ULK2: variants seen among roughly 807,000 people sequenced by gnomAD.
ULK2 encodes unc-51 like autophagy activating kinase 2.
In ULK2, 76 loss-of-function variants were observed where a neutral mutation model predicts 127.5. The observed-to-expected ratio is 0.60, with a 90% confidence interval of 0.50 to 0.72. The LOEUF is 0.72. ULK2 is among the 30% of genes least tolerant of loss of function. The probability of loss-of-function intolerance (pLI) is 0.00; values close to 1 mark genes in which losing one functional copy is unlikely to be tolerated. For missense variants in ULK2, 1,144 were observed against 1,295.9 expected (o/e 0.88, Z 1.80); for synonymous variants, 452 against 461.9 (o/e 0.98, Z 0.28).
At chr17:19,865,633 C>T (rs1246373823) in intron 2 of ULK2, 103 bp downstream of exon 2, 7 of 610,942 alleles carry the variant, frequency 1.1e-5, no homozygotes, top group Non-Finnish European at 1.9e-5. Context: ...GTTGAAAATT[C>T]TCAAACTTGG....
In ULK2 at chr17:19,774,861, A is replaced by G. The variant is rs2086788063; in HGVS notation, c.*1488T>C. The G allele has an allele frequency of 6.5e-6, 1 of 152,698 alleles. No individual in the cohort carries two copies. The highest frequency in any genetic ancestry group is 6.5e-5 in the Admixed American group (1 of 15,288). 9.5% of individuals were successfully genotyped at this position (152,698 alleles called of 1,614,324 possible). ...AGTTTCAAGAATAATGCATGCAGTT[A>G]CAAATGAGAGGTAGAAACACTGTAT... On this transcript the variant is annotated 3_prime_UTR_variant, in exon 27 of 27. Coordinates refer to ENST00000395544, the MANE Select transcript of ULK2 (RefSeq NM_014683.4).
chr17:19,797,482 G>C lies in ULK2; in HGVS notation c.1723C>G (p.Pro575Ala), dbSNP rs756447650. 1.9e-6 allele frequency: 3 copies of C among 1,613,882 alleles called. No homozygotes were observed. Among genetic ancestry groups the C allele is most frequent in the African/African-American group, 1.3e-5 (1 of 74,918 alleles). ...PSRPGSLGTS[P>A]TKHLGSSPRS... ...GGAGAGGACCCCAAGTGCTTGGTGG[G>C]AGAAGTTCCAAGGCTGCCAGGCCGA... is the stretch of plus-strand genomic sequence containing the variant. Residue 575 changes from proline to alanine, a missense_variant, in exon 18 of 27, where the codon CCC becomes GCC. Coordinates refer to ENST00000395544, the MANE Select transcript of ULK2 (RefSeq NM_014683.4).
intron 6 of ULK2, among the ~76,000 whole-genome samples, chr17:19,845,859 A>T (rs2041867838): frequency 6.6e-6 from 1 of 152,192 alleles, no homozygotes; most frequent in South Asian, 2.1e-4. Flanking sequence ...CTATAATCCC[A>T]GCACTTTGGG....
At chr17:19,808,300 A>C (rs989509286) in intron 14 of ULK2, among the ~76,000 whole-genome samples, 16 of 152,194 alleles carry the variant, frequency 1.1e-4, no homozygotes, top group Admixed American at 9.8e-4. Context: ...AAAGGCCTGA[A>C]CATTATACCC....
chr17:19,790,281 GT>G (rs2152383846), intron 20 of ULK2, among the ~76,000 whole-genome samples: 1 of 152,272 alleles, frequency 6.6e-6, no homozygotes, highest in South Asian at 2.1e-4. Flanking sequence ...GCCAGGTGTG[GT>G]GGCAGGCGCC....
intron 14 of ULK2, among the ~76,000 whole-genome samples, chr17:19,809,176 C>T (rs2087574842): frequency 6.6e-6 from 1 of 152,076 alleles, no homozygotes; most frequent in South Asian, 2.1e-4. Flanking sequence ...AGTCACAAAA[C>T]AGATAAATGC....
chr17:19,796,306 T>C (rs775595062), intron 18 of ULK2, 24 bp from the exon 19 acceptor site: 4 of 1,575,264 alleles, frequency 2.5e-6, no homozygotes, highest in Admixed American at 3.7e-5. Context: ...TATATATATA[T>C]ATATGTAAAC....
Position 19,776,291 on chromosome 17 carries a change from T to TA in ULK2, c.*57dup. 1 of 1,477,952 alleles carries TA rather than the reference T, an allele frequency of 6.8e-7. No individual in the cohort carries two copies. Among genetic ancestry groups the TA allele is most frequent in the Non-Finnish European group, 9.1e-7 (1 of 1,101,738 alleles). 91.6% of individuals were successfully genotyped at this position (1,477,952 alleles called of 1,614,324 possible). On this transcript the variant is annotated 3_prime_UTR_variant, in exon 27 of 27. Transcript: ENST00000395544. ...GGATGGGGTGACAGAACTCAAGCTGTAATCCCAAAGGCATCACCTCACGTT... is the reference window on the plus strand; with the variant it reads ...GGATGGGGTGACAGAACTCAAGCTGTAAATCCCAAAGGCATCACCTCACGTT...
In ULK2 at chr17:19,838,530, T is replaced by C; in HGVS notation, c.758A>G (p.Gln253Arg). The C allele has an allele frequency of 1.9e-6, 3 of 1,612,802 alleles. No homozygotes were observed. Among genetic ancestry groups the C allele is most frequent in the Non-Finnish European group, 2.5e-6 (3 of 1,179,646 alleles). ...GTCCATTCTATCTTTTTGGTTTCTC[T>C]GAAGCAAACCCAAAAGGAGATTAGC... ...YLANLLLGLL[Q>R]RNQKDRMDFE... The change falls in exon 10 of 27, where the codon CAG becomes CGG. Residue 253 changes from glutamine (Q) to arginine (R), a missense_variant. By Grantham distance (43) the Gln-to-Arg change is conservative. Around this residue, in one of 2 missense-constraint regions of ULK2, gnomAD observed 231 missense variants for 325.4 expected, o/e 0.71. Transcript: ENST00000395544.
chr17:19,805,660 A>C (rs1301494150), intron 14 of ULK2, among the ~76,000 whole-genome samples: 2 of 152,170 alleles, frequency 1.3e-5, no homozygotes, highest in Admixed American at 1.3e-4. Flanking sequence ...AAGCATAACC[A>C]TATGTCTTTC....
At chr17:19,838,905 C>T (rs1179840763) in intron 9 of ULK2, among the ~76,000 whole-genome samples, 4 of 151,764 alleles carry the variant, frequency 2.6e-5, no homozygotes, top group Non-Finnish European at 4.4e-5. Context: ...GTGGCGGGCA[C>T]CTGTAGTCCC....
At chr17:19,846,639 C>CAAAA in intron 6 of ULK2, 98 bp downstream of exon 6, 8 of 1,140,160 alleles carry the variant, frequency 7.0e-6, no homozygotes, top group East Asian at 5.6e-5. Context: ...GACTCCATCT[C>CAAAA]AAAAAAAAAA....
intron 17 of ULK2, among the ~76,000 whole-genome samples, chr17:19,798,277 C>T (rs1396586775): frequency 1.3e-5 from 2 of 152,160 alleles, no homozygotes; most frequent in Admixed American, 1.3e-4. Flanking sequence ...TTAAATTACA[C>T]ACTTAAAACC....
At chr17:19,805,682 G>T (rs974807055) in intron 14 of ULK2, among the ~76,000 whole-genome samples, 1 of 152,124 alleles carries the variant, frequency 6.6e-6, no homozygotes, top group African/African-American at 2.4e-5. Flanking sequence ...TGGTCAGTGA[G>T]ATATAAGCAG....
At chr17:19,835,454 C>T (rs977285665) in intron 10 of ULK2, among the ~76,000 whole-genome samples, 14 of 151,146 alleles carry the variant, frequency 9.3e-5, no homozygotes, top group Non-Finnish European at 1.3e-4. Context: ...CGGTGGCTCA[C>T]GCCTGTAATC....
chr17:19,850,841 A>G (rs992805178), intron 3 of ULK2, among the ~76,000 whole-genome samples: 1 of 151,962 alleles, frequency 6.6e-6, no homozygotes, highest in Non-Finnish European at 1.5e-5. Flanking sequence ...CAAAAAATAT[A>G]TATAGATAGG....
chr17:19,829,394 G>C (rs2041374543), intron 10 of ULK2, among the ~76,000 whole-genome samples: 1 of 151,938 alleles, frequency 6.6e-6, no homozygotes, highest in Admixed American at 6.6e-5. Context: ...AAATTAGCCA[G>C]GTGTGGTAGC....
intron 3 of ULK2, among the ~76,000 whole-genome samples, chr17:19,857,460 T>C (rs2042158309): frequency 6.6e-6 from 1 of 152,234 alleles, no homozygotes; most frequent in East Asian, 1.9e-4. Flanking sequence ...GTTTACTTTA[T>C]ATATTTAAGC....
chr17:19,785,432 C>T lies in ULK2; in HGVS notation c.2251+505G>A, dbSNP rs181072606. On this transcript the variant is annotated intron_variant, in intron 21 of 26. Transcript: ENST00000395544. ...TTCACCATGTTGGCCACGCTGGTCT[C>T]GAGTTCCTGGCCTCAAGTGATCTGC... 3.5e-3 allele frequency among the ~76,000 whole-genome samples: 536 copies of T among 151,916 alleles called. 1 individual carries two copies. Among genetic ancestry groups the T allele is most frequent in the African/African-American group, 0.01 (427 of 41,428 alleles).
Sources: gnomAD v4.1 joint callset for allele counts (sites outside exome capture counted in the v4.1 genomes callset) on GRCh38, gnomAD v4.1.1 for gene constraint, gnomAD v4.1.1 regional missense constraint, MANE v1.5 for transcripts, NCBI Gene and HGNC (gene_info 2026-07-23, HGNC 2026-07-21) for gene names.